The following SLAMF6 variants were observed in gnomAD, a reference collection of about 807,000 sequenced individuals.
SLAMF6 encodes the protein SLAM family member 6.
Under a neutral mutation model 38.3 loss-of-function variants are expected in SLAMF6, and 21 were observed. That is an observed-to-expected ratio of 0.55 (90% CI 0.39 to 0.79). The LOEUF is 0.79. Ranked by LOEUF, SLAMF6 falls within the 30% of genes least tolerant of loss-of-function variation. The pLI, the probability that SLAMF6 is intolerant of heterozygous loss-of-function variation, is 0.00. For synonymous variants in SLAMF6, 152 were observed against 146.3 expected, an observed-to-expected ratio of 1.04 and a Z score of -0.28; for missense variants, 341 against 385.3, an observed-to-expected ratio of 0.89 and a Z score of 0.96.
intron 1 of SLAMF6, among the ~76,000 whole-genome samples, chr1:160,498,926 A>G (rs1448570601): frequency 6.6e-6 from 1 of 151,898 alleles, no homozygotes. Context: ...CTTTTTGCTT[A>G]TTGGTTTAAG....
At chr1:160,490,974 T>A (rs890253306) in intron 3 of SLAMF6, 151 bp downstream of exon 3, 90 of 1,021,284 alleles carry the variant, frequency 8.8e-5, no homozygotes, top group Non-Finnish European at 1.2e-4. Context: ...CTGGGAGTAC[T>A]GAGAGATGCA....
At chr1:160,506,972 G>A (rs1654221936) in intron 1 of SLAMF6, among the ~76,000 whole-genome samples, 1 of 152,106 alleles carries the variant, frequency 6.6e-6, no homozygotes, top group Admixed American at 6.6e-5. Flanking sequence ...ATAGTGGAGG[G>A]ACTGAGGGGA....
intron 6 of SLAMF6, among the ~76,000 whole-genome samples, chr1:160,487,515 C>T (rs1037083468): frequency 6.6e-6 from 1 of 152,144 alleles, no homozygotes; most frequent in Non-Finnish European, 1.5e-5. Flanking sequence ...AACTTATATA[C>T]CAGATAGTTT....
At chr1:160,501,986 A>C (rs1653925881) in intron 1 of SLAMF6, among the ~76,000 whole-genome samples, 1 of 152,196 alleles carries the variant, frequency 6.6e-6, no homozygotes, top group Non-Finnish European at 1.5e-5. Flanking sequence ...GGGACAGTGA[A>C]GGTCAGATGC....
intron 1 of SLAMF6, among the ~76,000 whole-genome samples, chr1:160,505,006 A>T (rs1654108634): frequency 6.6e-6 from 1 of 152,214 alleles, no homozygotes; most frequent in Non-Finnish European, 1.5e-5. Context: ...AACAGAGCCA[A>T]TCTGCAAAGA....
At chr1:160,517,552 G>A (rs982874972) in intron 1 of SLAMF6, among the ~76,000 whole-genome samples, 2 of 152,038 alleles carry the variant, frequency 1.3e-5, no homozygotes, top group South Asian at 2.1e-4. Flanking sequence ...ATATATGCAT[G>A]CATATGTTCA....
rs1463450516 is a variant in SLAMF6 at position 160,485,591 on chromosome 1, C to G, written c.*1116G>C. On this transcript the variant is annotated 3_prime_UTR_variant, in exon 8 of 8. Coordinates refer to ENST00000368057, the MANE Select transcript of SLAMF6 (RefSeq NM_001184714.2). ...TGAGGCTGGAGGTGGGCCAGACCATCCAGGGCCATGGAAACTGGATTTCTT... is the reference window on the plus strand; with the variant it reads ...TGAGGCTGGAGGTGGGCCAGACCATGCAGGGCCATGGAAACTGGATTTCTT... 1 of 152,238 alleles carries G rather than the reference C, an allele frequency of 6.6e-6. No individual in the cohort carries two copies. Among genetic ancestry groups the G allele is most frequent in the African/African-American group, 2.4e-5 (1 of 41,420 alleles). 9.4% of individuals were successfully genotyped at this position (152,238 alleles called of 1,614,324 possible).
At chr1:160,490,405 G>A (rs1161622807) in intron 4 of SLAMF6, 169 bp from the exon 5 acceptor site, 4 of 789,768 alleles carry the variant, frequency 5.1e-6, no homozygotes, top group Non-Finnish European at 4.6e-6. Flanking sequence ...CAGGATATTA[G>A]CAGGTGCAAG....
intron 1 of SLAMF6, among the ~76,000 whole-genome samples, chr1:160,505,874 A>G (rs1450188787): frequency 6.6e-6 from 1 of 152,184 alleles, no homozygotes; most frequent in African/African-American, 2.4e-5. Flanking sequence ...GAAATAAAAA[A>G]TTCACTAGAG....
chr1:160,497,637 T>C (rs1438687367), intron 1 of SLAMF6, among the ~76,000 whole-genome samples: 1 of 152,120 alleles, frequency 6.6e-6, no homozygotes, highest in Non-Finnish European at 1.5e-5. Context: ...GTTCCCTTCC[T>C]TCCCCCTCTA....
At chr1:160,487,233 A>G in intron 6 of SLAMF6, 58 bp from the exon 7 acceptor site, 3 of 1,407,738 alleles carry the variant, frequency 2.1e-6, no homozygotes, top group Non-Finnish European at 3.0e-6. Context: ...TAATGCATAG[A>G]TATATTCTTA....
At chr1:160,518,866 A>T (rs1401142652) in intron 1 of SLAMF6, among the ~76,000 whole-genome samples, 3 of 152,166 alleles carry the variant, frequency 2.0e-5, no homozygotes, top group African/African-American at 7.2e-5. Flanking sequence ...CCACCAGGGC[A>T]CATGTTTACC....
At chr1:160,491,099 C>T (rs1264612025) in intron 3 of SLAMF6, 26 bp downstream of exon 3, 5 of 1,611,458 alleles carry the variant, frequency 3.1e-6, no homozygotes, top group South Asian at 2.2e-5. Flanking sequence ...CTGCTCAAGG[C>T]TCTCAGACCT....
At chr1:160,494,707 A>T (rs1334147189) in intron 2 of SLAMF6, among the ~76,000 whole-genome samples, 1 of 152,154 alleles carries the variant, frequency 6.6e-6, no homozygotes, top group Non-Finnish European at 1.5e-5. Flanking sequence ...GATTGGTGTG[A>T]TGCAGCCACA....
chr1:160,496,114 T>C lies in SLAMF6; in HGVS notation c.329A>G (p.Gln110Arg). 6.2e-7 allele frequency: 1 copy of C among 1,614,008 alleles called. No homozygotes were observed. Among genetic ancestry groups the C allele is most frequent in the Non-Finnish European group, 8.5e-7 (1 of 1,179,910 alleles). The change falls in exon 2 of 8, where the codon CAG becomes CGG. Residue 110 changes from glutamine to arginine, a missense_variant. Gln to Arg is a conservative substitution (Grantham distance 43). Coordinates refer to ENST00000368057, the MANE Select transcript of SLAMF6 (RefSeq NM_001184714.2). ...KMEDTGSYRA[Q>R]ISTKTSAKLS... Reference sequence around the variant, plus strand: ...CTTTGCAGAGGTCTTTGTGGATATCTGGGCTCTGTAAGAGCCTGTGTCTTC... The same window carrying C: ...CTTTGCAGAGGTCTTTGTGGATATCCGGGCTCTGTAAGAGCCTGTGTCTTC...
At position 160,505,066 on chromosome 1, in the gene SLAMF6, C is replaced by T. The variant is rs374826275; in HGVS notation, c.50-8673G>A. 1.9e-4 allele frequency among the ~76,000 whole-genome samples: 29 copies of T among 152,130 alleles called. 1 individual carries two copies. In the East Asian group the frequency reaches 3.9e-3, roughly 20 times the overall value. On this transcript the variant is annotated intron_variant, in intron 1 of 7. Transcript: ENST00000368057. ...TTGTTTGTTTATTCCTTCTGGTGTTCAAAGAAATATCTGTCAAAACACTAG... is the reference window on the plus strand; with the variant it reads ...TTGTTTGTTTATTCCTTCTGGTGTTTAAAGAAATATCTGTCAAAACACTAG...
At chr1:160,489,281 C>T (rs1456662268) in intron 5 of SLAMF6, 111 bp from the exon 6 acceptor site, 1 of 991,574 alleles carries the variant, frequency 1.0e-6, no homozygotes, top group African/African-American at 1.6e-5. Flanking sequence ...GTGTTTGAAG[C>T]ATCTCCTTTC....
intron 5 of SLAMF6, 87 bp from the exon 6 acceptor site, chr1:160,489,257 C>G (rs1238874038): frequency 7.7e-7 from 1 of 1,295,466 alleles, no homozygotes; most frequent in East Asian, 2.3e-5. Context: ...CACACTGTGT[C>G]CCCAGATAGG....
Position 160,490,521 on chromosome 1 carries a change from C to T in SLAMF6, c.757+54G>A, listed in dbSNP as rs1242978998. 5.7e-6 allele frequency: 9 copies of T among 1,591,062 alleles called. No homozygotes were observed. In the Admixed American group the frequency reaches 1.3e-4, roughly 23 times the overall value. ...ATCCTTGGGAATCAGAGGCCCCAAA[C>T]TCTCAATCACTGGAACCTTGGAGAA... is the stretch of plus-strand genomic sequence containing the variant. On this transcript the variant is annotated intron_variant, in intron 4 of 7. Coordinates refer to ENST00000368057, the MANE Select transcript of SLAMF6 (RefSeq NM_001184714.2).
Sources: gnomAD v4.1 joint callset for allele counts (sites outside exome capture counted in the v4.1 genomes callset) on GRCh38, gnomAD v4.1.1 for gene constraint, MANE v1.5 for transcripts, NCBI Gene and HGNC (gene_info 2026-07-23, HGNC 2026-07-21) for gene names.